NEXMIF: variants seen among roughly 807,000 people sequenced by gnomAD.
NEXMIF encodes the protein neurite extension and migration factor, also known as XLMR protein related to neurite extension.
Under a neutral mutation model 62.1 loss-of-function variants are expected in NEXMIF, and 8 were observed. That is an observed-to-expected ratio of 0.13 (90% CI 0.08 to 0.23). NEXMIF has a LOEUF of 0.23. NEXMIF is among the 10% of genes least tolerant of loss of function. The pLI, the probability that NEXMIF is intolerant of heterozygous loss-of-function variation, is 1.00. For missense variants in NEXMIF, 976 were observed against 1,113.3 expected (o/e 0.88, Z 1.75); for synonymous variants, 404 against 416.6 (o/e 0.97, Z 0.37).
Position 74,787,901 on chromosome X carries a change from C to A in NEXMIF, c.-47-42204G>T, listed in dbSNP as rs1042650958. ...TCAAACCTTCCTTTAAGCTTTGAAC[C>A]AGAGCAACTGCAGATGATTTCTAGG... On this transcript the variant is annotated intron_variant, in intron 1 of 3. Coordinates refer to ENST00000055682, the MANE Select transcript of NEXMIF (RefSeq NM_001008537.3). 4.5e-5 allele frequency among the ~76,000 whole-genome samples: 5 copies of A among 111,621 alleles called. No homozygotes were observed. In the South Asian group the frequency reaches 1.1e-3, roughly 25 times the overall value.
chrX:74,836,205 C>G (rs140724765), intron 1 of NEXMIF, among the ~76,000 whole-genome samples: 2 of 112,581 alleles, frequency 1.8e-5, no homozygotes, highest in Non-Finnish European at 3.8e-5. Context: ...TGGTCTGACC[C>G]AGGGCAGGTC....
At chrX:74,820,282 C>T (rs182267379) in intron 1 of NEXMIF, among the ~76,000 whole-genome samples, 392 of 109,613 alleles carry the variant, frequency 3.6e-3, no homozygotes, top group Non-Finnish European at 5.6e-3. Flanking sequence ...CCATGTATAC[C>T]TATGTATCAA....
chrX:74,796,152 T>C (rs1416886866), intron 1 of NEXMIF, among the ~76,000 whole-genome samples: 1 of 74,496 alleles, frequency 1.3e-5, no homozygotes, highest in Non-Finnish European at 2.4e-5. Flanking sequence ...ATTATATATA[T>C]ACATATATAT....
At chrX:74,877,669 T>C (rs1358644523) in intron 1 of NEXMIF, among the ~76,000 whole-genome samples, 1 of 111,515 alleles carries the variant, frequency 9.0e-6, no homozygotes, top group African/African-American at 3.3e-5. Flanking sequence ...GTCCCATATT[T>C]CTTGGAGGCT....
chrX:74,878,274 C>G (rs1159127018), intron 1 of NEXMIF, among the ~76,000 whole-genome samples: 1 of 111,777 alleles, frequency 8.9e-6, no homozygotes, highest in Non-Finnish European at 1.9e-5. Context: ...TGCCCCTGCT[C>G]GGGTGTGCTT....
chrX:74,838,891 C>T lies in NEXMIF; in HGVS notation c.-48+85992G>A, dbSNP rs1015103182. 2.7e-5 allele frequency among the ~76,000 whole-genome samples: 3 copies of T among 111,992 alleles called. No individual in the cohort carries two copies. In the South Asian group the frequency reaches 1.1e-3, roughly 42 times the overall value. Reference sequence around the variant, plus strand: ...CTGCAAATATGTGAGTATAAGCCTACAATTTTAATTCCTCTTTATAGTTTT... The same window carrying T: ...CTGCAAATATGTGAGTATAAGCCTATAATTTTAATTCCTCTTTATAGTTTT... On this transcript the variant is annotated intron_variant, in intron 1 of 3. Transcript: ENST00000055682.
At chrX:74,786,862 T>C (rs1191884283) in intron 1 of NEXMIF, among the ~76,000 whole-genome samples, 1 of 110,579 alleles carries the variant, frequency 9.0e-6, no homozygotes, top group African/African-American at 3.3e-5. Flanking sequence ...CATGTGCGTG[T>C]GTGCACACAC....
chrX:74,801,627 A>G (rs938437818), intron 1 of NEXMIF, among the ~76,000 whole-genome samples: 5 of 112,118 alleles, frequency 4.5e-5, no homozygotes, highest in Non-Finnish European at 9.4e-5. Context: ...GAGACTCATC[A>G]CATTCCCAGC....
chrX:74,825,254 T>G (rs2080411551), intron 1 of NEXMIF, among the ~76,000 whole-genome samples: 1 of 111,564 alleles, frequency 9.0e-6, no homozygotes, highest in South Asian at 3.8e-4. Flanking sequence ...TACTTTAAGT[T>G]CAGAGATACA....
intron 1 of NEXMIF, among the ~76,000 whole-genome samples, chrX:74,748,268 C>T (rs1016865279): frequency 8.9e-6 from 1 of 111,790 alleles, no homozygotes; most frequent in African/African-American, 3.3e-5. Context: ...ATAATTTGGG[C>T]CTTTGTTCTC....
At chrX:74,844,349 C>T (rs2080484417) in intron 1 of NEXMIF, among the ~76,000 whole-genome samples, 1 of 111,601 alleles carries the variant, frequency 9.0e-6, no homozygotes, top group Non-Finnish European at 1.9e-5. Context: ...GGGAAATTTT[C>T]ATGGATGATA....
intron 1 of NEXMIF, among the ~76,000 whole-genome samples, chrX:74,883,693 C>A (rs1209793272): frequency 6.3e-5 from 7 of 111,953 alleles, no homozygotes; most frequent in African/African-American, 2.3e-4. Context: ...AAGTGACGGG[C>A]AGAATGGAAC....
intron 1 of NEXMIF, among the ~76,000 whole-genome samples, chrX:74,885,916 C>A (rs182772433): frequency 4.5e-5 from 5 of 111,671 alleles, no homozygotes; most frequent in African/African-American, 1.6e-4. Flanking sequence ...ACTGGAAAAC[C>A]AAATCCAGCA....
chrX:74,796,151 A>G (rs775014362), intron 1 of NEXMIF, among the ~76,000 whole-genome samples: 68 of 75,321 alleles, frequency 9.0e-4, no homozygotes, highest in African/African-American at 3.3e-3. Context: ...TATTATATAT[A>G]TACATATATA....
At chrX:74,883,950 T>C (rs757831923) in intron 1 of NEXMIF, among the ~76,000 whole-genome samples, 2 of 112,343 alleles carry the variant, frequency 1.8e-5, no homozygotes, top group African/African-American at 6.5e-5. Flanking sequence ...CGGATCTCTC[T>C]GCAGAAAATC....
chrX:74,761,923 T>A (rs1445389119), intron 1 of NEXMIF, among the ~76,000 whole-genome samples: 1 of 111,828 alleles, frequency 8.9e-6, no homozygotes, highest in Non-Finnish European at 1.9e-5. Flanking sequence ...TTCTTATCAG[T>A]TTCAAGGAAA....
chrX:74,857,731 G>A (rs761454832), intron 1 of NEXMIF, among the ~76,000 whole-genome samples: 7 of 112,148 alleles, frequency 6.2e-5, no homozygotes, highest in Non-Finnish European at 1.3e-4. Context: ...CTAAGCCCTG[G>A]CTCTTGGATG....
At chrX:74,859,771 G>A (rs1196885373) in intron 1 of NEXMIF, among the ~76,000 whole-genome samples, 3 of 111,410 alleles carry the variant, frequency 2.7e-5, no homozygotes, top group East Asian at 5.6e-4. Context: ...TGAAGTTAAG[G>A]GGTAGAGTGT....
intron 1 of NEXMIF, among the ~76,000 whole-genome samples, chrX:74,791,237 T>C (rs146394713): frequency 0.13 from 14,990 of 111,408 alleles, 1,634 homozygotes; most frequent in East Asian, 0.91. Context: ...GAGATAATCA[T>C]GTGGTTTTTG....
Sources: gnomAD v4.1 joint callset for allele counts (sites outside exome capture counted in the v4.1 genomes callset) on GRCh38, gnomAD v4.1.1 for gene constraint, MANE v1.5 for transcripts, NCBI Gene and HGNC (gene_info 2026-07-23, HGNC 2026-07-21) for gene names.